PLAAT1: variants seen among roughly 807,000 people sequenced by gnomAD.
The protein encoded by PLAAT1 is H-REV107 protein-related protein.
Under a neutral mutation model 16.4 loss-of-function variants are expected in PLAAT1, and 13 were observed. The observed-to-expected ratio is 0.79, with a 90% CI of 0.52 to 1.26. PLAAT1 has a LOEUF of 1.26. Ranked by LOEUF, PLAAT1 falls within the 50% of genes most tolerant of loss-of-function variation. The pLI, the probability that PLAAT1 is intolerant of heterozygous loss-of-function variation, is 0.00. For synonymous variants in PLAAT1, 73 were observed against 78.4 expected (o/e 0.93, Z 0.36); for missense variants, 218 against 207.8 (o/e 1.05, Z -0.30).
chr3:193,279,586 A>T (rs571009877), downstream of PLAAT1: 24 of 658,308 alleles, frequency 3.6e-5, no homozygotes, highest in African/African-American at 2.5e-4. Flanking sequence ...ATATCCTCAT[A>T]TGTTTTGAAA....
At chr3:193,266,585 C>A (rs1716784144) in intron 3 of PLAAT1, among the ~76,000 whole-genome samples, 1 of 152,130 alleles carries the variant, frequency 6.6e-6, no homozygotes, top group Non-Finnish European at 1.5e-5. Flanking sequence ...ATGCCATCAT[C>A]ACCATTATTA....
At chr3:193,244,848 CT>C (rs1715920043) in intron 1 of PLAAT1, among the ~76,000 whole-genome samples, 1 of 152,112 alleles carries the variant, frequency 6.6e-6, no homozygotes, top group Non-Finnish European at 1.5e-5. Context: ...AATCCATGAA[CT>C]CCTTAATCCA....
Position 193,270,848 on chromosome 3 carries a change from T to G in PLAAT1, c.*143T>G. The G allele has an allele frequency of 3.0e-6, 4 of 1,340,698 alleles. No individual in the cohort carries two copies. The highest frequency in any genetic ancestry group is 3.8e-6 in the Non-Finnish European group (4 of 1,043,756). 83.1% of individuals were successfully genotyped at this position (1,340,698 alleles called of 1,614,324 possible). On this transcript the variant is annotated 3_prime_UTR_variant, in exon 4 of 4. Coordinates refer to ENST00000264735, the MANE Select transcript of PLAAT1 (RefSeq NM_020386.5). ...CTCTTTAATAAATTGCTTACTGATATTATCTTATCATTGAGCCAATGAAAT... is the reference window on the plus strand; with the variant it reads ...CTCTTTAATAAATTGCTTACTGATAGTATCTTATCATTGAGCCAATGAAAT...
chr3:193,248,416 T>C (rs1297787984), intron 1 of PLAAT1, among the ~76,000 whole-genome samples: 1 of 152,150 alleles, frequency 6.6e-6, no homozygotes, highest in African/African-American at 2.4e-5. Context: ...ACATTCAAAG[T>C]AATTATTGGT....
At chr3:193,272,476 A>G (rs1383113189), downstream of PLAAT1, among the ~76,000 whole-genome samples, 1 of 151,818 alleles carries the variant, frequency 6.6e-6, no homozygotes, top group Non-Finnish European at 1.5e-5. Context: ...AAAAAAACCC[A>G]GTTTTCTAGT....
chr3:193,276,692 T>C, intron 2 of PLAAT1: 2 of 1,279,818 alleles, frequency 1.6e-6, no homozygotes, highest in Admixed American at 2.0e-5. Context: ...AAGCACCTGC[T>C]GAAAATGAGA....
intron 1 of PLAAT1, among the ~76,000 whole-genome samples, chr3:193,250,948 C>T (rs886698415): frequency 6.6e-6 from 1 of 151,860 alleles, no homozygotes; most frequent in African/African-American, 2.4e-5. Context: ...TGGCAGAGGT[C>T]TCCCAGTTTC....
intron 1 of PLAAT1, among the ~76,000 whole-genome samples, chr3:193,250,203 A>G (rs1238639318): frequency 6.6e-6 from 1 of 151,998 alleles, no homozygotes; most frequent in African/African-American, 2.4e-5. Context: ...AAAATCTGCT[A>G]TTTTTTATTC....
chr3:193,248,616 C>A (rs1259025995), intron 1 of PLAAT1, among the ~76,000 whole-genome samples: 2 of 152,044 alleles, frequency 1.3e-5, no homozygotes, highest in East Asian at 3.8e-4. Context: ...AGGAGGCTTA[C>A]ATAAAACGTC....
chr3:193,245,303 C>T (rs778818658), intron 1 of PLAAT1, among the ~76,000 whole-genome samples: 21 of 152,140 alleles, frequency 1.4e-4, no homozygotes, highest in Non-Finnish European at 2.8e-4. Flanking sequence ...ATTTCTCTTA[C>T]GTTTCTGGCT....
At chr3:193,258,505 C>G (rs976500615) in intron 2 of PLAAT1, among the ~76,000 whole-genome samples, 3 of 151,790 alleles carry the variant, frequency 2.0e-5, no homozygotes, top group African/African-American at 4.8e-5. Flanking sequence ...TGATAGATTG[C>G]TATCTAAATT....
chr3:193,255,626 CTCT>C (rs756128794), intron 1 of PLAAT1, 22 bp from the exon 2 acceptor site: 4 of 1,576,480 alleles, frequency 2.5e-6, no homozygotes, highest in African/African-American at 2.7e-5. Context: ...TATTAGCTAG[CTCT>C]TCTTTGTATT....
At chr3:193,279,170 ATAT>A (rs534653482), downstream of PLAAT1, among the ~76,000 whole-genome samples, 465 of 152,336 alleles carry the variant, frequency 3.1e-3, 5 homozygotes, top group Non-Finnish European at 4.7e-3. Flanking sequence ...GTACCCAATA[ATAT>A]TAATAATATG....
chr3:193,255,851 A>T, intron 2 of PLAAT1, 62 bp downstream of exon 2: 1 of 1,359,246 alleles, frequency 7.4e-7, no homozygotes, highest in Non-Finnish European at 9.9e-7. Context: ...ACAGGAAGTA[A>T]TCATGGGTGA....
intron 1 of PLAAT1, among the ~76,000 whole-genome samples, chr3:193,251,069 G>A (rs1432986903): frequency 6.6e-6 from 1 of 152,038 alleles, no homozygotes; most frequent in African/African-American, 2.4e-5. Flanking sequence ...TTTTTTGCAG[G>A]TGGAGTCTTC....
At chr3:193,261,095 G>A (rs139701883) in intron 2 of PLAAT1, among the ~76,000 whole-genome samples, 44 of 152,196 alleles carry the variant, frequency 2.9e-4, no homozygotes, top group Non-Finnish European at 5.1e-4. Context: ...CAGACCAGGC[G>A]TGCTGGGTCA....
downstream of PLAAT1, among the ~76,000 whole-genome samples, chr3:193,274,184 A>G (rs1717079906): frequency 6.6e-6 from 1 of 152,206 alleles, no homozygotes; most frequent in Non-Finnish European, 1.5e-5. Context: ...CGGAGGTTGC[A>G]GTGAGCCAAA....
At chr3:193,275,013 C>T, downstream of PLAAT1, 1 of 1,611,344 alleles carries the variant, frequency 6.2e-7, no homozygotes, top group Non-Finnish European at 8.5e-7. Context: ...AAAAGCAATG[C>T]TGTTGAGCAT....
At chr3:193,255,285 A>AT (rs1025094111) in intron 1 of PLAAT1, among the ~76,000 whole-genome samples, 13 of 152,122 alleles carry the variant, frequency 8.5e-5, no homozygotes, top group African/African-American at 2.9e-4. Flanking sequence ...TAAATAGACC[A>AT]TTTTTTAATA....
Sources: allele counts gnomAD v4.1 joint callset (sites outside exome capture counted in the v4.1 genomes callset), GRCh38; gene constraint gnomAD v4.1.1; transcripts MANE v1.5; gene names NCBI Gene and HGNC (gene_info 2026-07-23, HGNC 2026-07-21).